LRRTM3: variants seen among roughly 807,000 people sequenced by gnomAD.
The protein encoded by LRRTM3 is leucine-rich repeat transmembrane neuronal protein 3.
In LRRTM3, 24 loss-of-function variants were observed where a neutral mutation model predicts 44.7. The observed-to-expected ratio is 0.54, with a 90% CI of 0.39 to 0.76. The LOEUF (loss-of-function observed/expected upper bound fraction) is 0.76, where lower values mean the gene tolerates loss of function less well. Ranked by LOEUF, LRRTM3 falls within the 30% of genes least tolerant of loss-of-function variation. The pLI, the probability that LRRTM3 is intolerant of heterozygous loss-of-function variation, is 0.00. For missense variants in LRRTM3, 587 were observed against 702.2 expected (o/e 0.84, Z 1.85); for synonymous variants, 277 against 278.7 (o/e 0.99, Z 0.06).
intron 2 of LRRTM3, among the ~76,000 whole-genome samples, chr10:66,963,696 GA>G (rs1459532668): frequency 6.6e-6 from 1 of 152,024 alleles, no homozygotes; most frequent in East Asian, 1.9e-4. Flanking sequence ...TTCCAAAATA[GA>G]AGGAGACCAA....
chr10:66,970,317 T>G (rs1849646528), intron 2 of LRRTM3, among the ~76,000 whole-genome samples: 1 of 152,162 alleles, frequency 6.6e-6, no homozygotes, highest in African/African-American at 2.4e-5. Context: ...CACTTTGGTT[T>G]TACAGCACTA....
At chr10:67,017,098 A>G (rs1852706534) in intron 2 of LRRTM3, among the ~76,000 whole-genome samples, 1 of 152,236 alleles carries the variant, frequency 6.6e-6, no homozygotes, top group Admixed American at 6.5e-5. Flanking sequence ...ATAGCTAATC[A>G]TTGTATAATA....
chr10:67,085,175 C>A (rs1260866079), intron 2 of LRRTM3, among the ~76,000 whole-genome samples: 1 of 151,866 alleles, frequency 6.6e-6, no homozygotes, highest in African/African-American at 2.4e-5. Flanking sequence ...AATAACACCT[C>A]ACATTTTTTA....
intron 2 of LRRTM3, among the ~76,000 whole-genome samples, chr10:66,990,868 T>C (rs2132933649): frequency 6.6e-6 from 1 of 152,344 alleles, no homozygotes; most frequent in East Asian, 1.9e-4. Flanking sequence ...ATCTTTAGCA[T>C]GTCAATTTCA....
chr10:67,093,125 CTT>C (rs1857755003), intron 2 of LRRTM3, among the ~76,000 whole-genome samples: 1 of 151,784 alleles, frequency 6.6e-6, no homozygotes, highest in Admixed American at 6.6e-5. Flanking sequence ...TGGAGAGAAA[CTT>C]AATTCTCAGA....
chr10:67,028,828 G>A (rs1475073855), intron 2 of LRRTM3, among the ~76,000 whole-genome samples: 1 of 152,130 alleles, frequency 6.6e-6, no homozygotes, highest in Non-Finnish European at 1.5e-5. Context: ...ACATTAGGAA[G>A]ATAGGAAATC....
At position 66,927,593 on chromosome 10, in the gene LRRTM3, C is replaced by T; in HGVS notation, c.677C>T (p.Pro226Leu). The T allele has an allele frequency of 5.0e-6, 8 of 1,614,130 alleles. No homozygotes were observed. The highest frequency in any genetic ancestry group is 1.3e-5 in the African/African-American group (1 of 75,044). Residue 226 changes from proline to leucine, a missense_variant, in exon 2 of 3, where the codon CCA (proline) becomes CTA (leucine). By Grantham distance (98) the Pro-to-Leu change is moderately conservative. This residue lies in a region of LRRTM3 where 222 missense variants were observed against 323.3 expected (regional missense o/e 0.69). Coordinates refer to ENST00000361320, the MANE Select transcript of LRRTM3 (RefSeq NM_178011.5). The surrounding 1 kb of genome is among the most constrained non-coding windows in gnomAD (Gnocchi z 4.7). ...QFSKLNLALFPRLVSLQNLYL... is the reference protein window; with the variant it reads ...QFSKLNLALFLRLVSLQNLYL... ...TCCAAGCTCAACCTGGCCCTTTTTCCAAGGTTGGTCAGCCTTCAGAACCTT... is the reference window on the plus strand; with the variant it reads ...TCCAAGCTCAACCTGGCCCTTTTTCTAAGGTTGGTCAGCCTTCAGAACCTT...
chr10:67,056,998 G>C (rs994596448), intron 2 of LRRTM3, among the ~76,000 whole-genome samples: 3 of 152,122 alleles, frequency 2.0e-5, no homozygotes. Flanking sequence ...GCTTAATTAA[G>C]TTCTCTAATT....
chr10:67,040,034 T>G (rs1341377838), intron 2 of LRRTM3, among the ~76,000 whole-genome samples: 1 of 152,130 alleles, frequency 6.6e-6, no homozygotes, highest in African/African-American at 2.4e-5. Context: ...GGAGGGTTAG[T>G]GACACTCCAC....
chr10:67,035,181 G>A (rs1201771072), intron 2 of LRRTM3, among the ~76,000 whole-genome samples: 2 of 152,124 alleles, frequency 1.3e-5, no homozygotes, highest in African/African-American at 4.8e-5. Context: ...TTACCCATAT[G>A]AATATATAGA....
chr10:66,930,545 C>T (rs1847318050), intron 2 of LRRTM3, among the ~76,000 whole-genome samples: 1 of 152,128 alleles, frequency 6.6e-6, no homozygotes, highest in African/African-American at 2.4e-5. Flanking sequence ...AACCCCATTT[C>T]TATTCTTTTT....
chr10:67,096,209 AT>A (rs1000690165), intron 2 of LRRTM3, among the ~76,000 whole-genome samples: 5 of 151,628 alleles, frequency 3.3e-5, no homozygotes, highest in African/African-American at 1.2e-4. Flanking sequence ...TTTATTTTTT[AT>A]TTTTTTGATT....
chr10:67,058,766 A>T (rs1855586922), intron 2 of LRRTM3, among the ~76,000 whole-genome samples: 1 of 152,148 alleles, frequency 6.6e-6, no homozygotes, highest in African/African-American at 2.4e-5. Context: ...TCGTGACTAG[A>T]CTTGTAATGT....
rs1847145054 is a variant in LRRTM3, at chr10:66,927,509, G to A, written c.593G>A (p.Arg198Lys). 1 of 1,614,128 alleles carries A rather than the reference G, an allele frequency of 6.2e-7. No homozygotes were observed. The highest frequency in any genetic ancestry group is 8.5e-7 in the Non-Finnish European group (1 of 1,180,042). Reference protein sequence around the residue: ...LGYNRIRSLARNVFAGMIRLK... With the variant: ...LGYNRIRSLAKNVFAGMIRLK... ...TATAACCGGATCCGAAGTTTAGCCA[G>A]GAATGTCTTTGCTGGCATGATCAGA... is the stretch of plus-strand genomic sequence containing the variant. Residue 198 changes from arginine to lysine, a missense_variant, in exon 2 of 3, where the codon AGG becomes AAG. Around this residue, in one of 3 missense-constraint regions of LRRTM3, gnomAD observed 222 missense variants for 323.3 expected, o/e 0.69. Transcript: ENST00000361320. This position sits in a 1 kb window ranked among gnomAD's most constrained non-coding sequence, Gnocchi z 4.7.
intron 2 of LRRTM3, among the ~76,000 whole-genome samples, chr10:67,019,737 T>C (rs72804687): frequency 6.6e-6 from 1 of 152,242 alleles, no homozygotes; most frequent in Non-Finnish European, 1.5e-5. Flanking sequence ...ATAACCTCAG[T>C]TAATCCTTTG....
chr10:67,041,538 G>A (rs1028642149), intron 2 of LRRTM3, among the ~76,000 whole-genome samples: 9 of 152,014 alleles, frequency 5.9e-5, no homozygotes, highest in Admixed American at 1.3e-4. Context: ...GTTTTCAGAC[G>A]CAGTTTGGAA....
At chr10:67,029,859 T>C (rs1278205879) in intron 2 of LRRTM3, among the ~76,000 whole-genome samples, 2 of 152,166 alleles carry the variant, frequency 1.3e-5, no homozygotes, top group Admixed American at 6.5e-5. Context: ...CTAAAAACCA[T>C]TCTAAATAGA....
At chr10:66,998,980 T>C (rs897095566) in intron 2 of LRRTM3, among the ~76,000 whole-genome samples, 1 of 152,110 alleles carries the variant, frequency 6.6e-6, no homozygotes, top group African/African-American at 2.4e-5. Flanking sequence ...AAAAATTCAG[T>C]ATCACTCAGA....
At chr10:67,068,389 G>A (rs980392266) in intron 2 of LRRTM3, among the ~76,000 whole-genome samples, 5 of 152,188 alleles carry the variant, frequency 3.3e-5, no homozygotes, top group Non-Finnish European at 5.9e-5. Flanking sequence ...CATGTGTTAC[G>A]TTGGGGGACA....
Sources: allele counts gnomAD v4.1 joint callset (sites outside exome capture counted in the v4.1 genomes callset), GRCh38; gene constraint gnomAD v4.1.1; regional missense constraint gnomAD v4.1.1; non-coding constraint Gnocchi (gnomAD v3.1); transcripts MANE v1.5; gene names NCBI Gene and HGNC (gene_info 2026-07-23, HGNC 2026-07-21).